The following TBC1D22A variants were observed in gnomAD, a reference collection of about 807,000 sequenced individuals.
The protein encoded by TBC1D22A is putative GTPase activator.
In TBC1D22A, 38 loss-of-function variants were observed where a neutral mutation model predicts 60.2. The ratio of observed to expected loss-of-function variants is 0.63; its 90% CI spans 0.49 to 0.83. The LOEUF (loss-of-function observed/expected upper bound fraction) is 0.83. Among genes scored for constraint, TBC1D22A ranks in the 40% least tolerant of loss-of-function variants. The probability of loss-of-function intolerance (pLI) is 0.00; values close to 1 mark genes in which losing one functional copy is unlikely to be tolerated. For missense variants in TBC1D22A, 628 were observed against 701.0 expected (o/e 0.90, Z 1.18); for synonymous variants, 302 against 281.7 (o/e 1.07, Z -0.72).
At chr22:46,837,067 G>C (rs540936041) in intron 4 of TBC1D22A, among the ~76,000 whole-genome samples, 1 of 151,692 alleles carries the variant, frequency 6.6e-6, no homozygotes, top group Non-Finnish European at 1.5e-5. Context: ...TGATGTTAAC[G>C]TGAACTATGA....
chr22:46,969,304 C>T (rs548105219), intron 8 of TBC1D22A, among the ~76,000 whole-genome samples: 13 of 152,238 alleles, frequency 8.5e-5, no homozygotes, highest in Admixed American at 2.6e-4. Flanking sequence ...GCAAATTTCC[C>T]GCCCCACTCC....
chr22:47,008,411 C>T (rs1019828284), intron 10 of TBC1D22A, among the ~76,000 whole-genome samples: 1 of 152,174 alleles, frequency 6.6e-6, no homozygotes, highest in African/African-American at 2.4e-5. Context: ...CCAACTCTCC[C>T]CAGGTGTAGA....
At chr22:46,787,549 G>C (rs536961361) in intron 1 of TBC1D22A, among the ~76,000 whole-genome samples, 4 of 152,150 alleles carry the variant, frequency 2.6e-5, no homozygotes, top group Non-Finnish European at 5.9e-5. Context: ...AACAAAACTG[G>C]AGCTGCGTGC....
At chr22:46,924,599 G>A (rs6009059) in intron 8 of TBC1D22A, among the ~76,000 whole-genome samples, 4,251 of 152,210 alleles carry the variant, frequency 0.028, 187 homozygotes, top group African/African-American at 0.098. Flanking sequence ...ACAAACATTA[G>A]CTGGGCATGG....
intron 1 of TBC1D22A, among the ~76,000 whole-genome samples, chr22:46,767,838 C>G (rs575791047): frequency 6.6e-6 from 1 of 152,034 alleles, no homozygotes; most frequent in Non-Finnish European, 1.5e-5. Flanking sequence ...AGGAGAGGAG[C>G]TGGGGCCAGG....
At chr22:47,146,961 A>C (rs2067306213) in intron 12 of TBC1D22A, among the ~76,000 whole-genome samples, 1 of 152,212 alleles carries the variant, frequency 6.6e-6, no homozygotes, top group Non-Finnish European at 1.5e-5. Flanking sequence ...ACCACAGCCC[A>C]CCGGCTGGCC....
At chr22:47,115,588 T>C (rs965626613) in intron 12 of TBC1D22A, among the ~76,000 whole-genome samples, 1 of 152,206 alleles carries the variant, frequency 6.6e-6, no homozygotes, top group African/African-American at 2.4e-5. Context: ...CCTTGCCCTC[T>C]GTGGGTCATT....
chr22:47,159,374 TAC>T (rs1161836650), intron 12 of TBC1D22A, among the ~76,000 whole-genome samples: 1 of 125,346 alleles, frequency 8.0e-6, no homozygotes, highest in African/African-American at 3.6e-5. Context: ...CACTCATGTA[TAC>T]ACACAGACAC....
intron 4 of TBC1D22A, among the ~76,000 whole-genome samples, chr22:46,851,997 A>G (rs1033423745): frequency 3.9e-5 from 6 of 152,222 alleles, no homozygotes; most frequent in Non-Finnish European, 7.3e-5. Context: ...TGAAGACAGG[A>G]GGCTTTTCCT....
At chr22:47,048,220 G>C (rs961173557) in intron 11 of TBC1D22A, among the ~76,000 whole-genome samples, 1 of 152,136 alleles carries the variant, frequency 6.6e-6, no homozygotes, top group Non-Finnish European at 1.5e-5. Context: ...TATGTGTGAG[G>C]TGTGGTTTTG....
At chr22:46,790,825 C>T (rs1369901563) in intron 1 of TBC1D22A, among the ~76,000 whole-genome samples, 1 of 152,136 alleles carries the variant, frequency 6.6e-6, no homozygotes, top group Non-Finnish European at 1.5e-5. Flanking sequence ...CTTTATGTCC[C>T]AAGCTTTCCA....
At chr22:47,053,466 G>T (rs545362751) in intron 11 of TBC1D22A, among the ~76,000 whole-genome samples, 1 of 152,190 alleles carries the variant, frequency 6.6e-6, no homozygotes, top group Non-Finnish European at 1.5e-5. Context: ...CTCGTCAGGC[G>T]CACTCAGAGG....
At chr22:46,874,356 C>G (rs113956215) in intron 4 of TBC1D22A, among the ~76,000 whole-genome samples, 37 of 152,174 alleles carry the variant, frequency 2.4e-4, no homozygotes, top group African/African-American at 8.2e-4. Flanking sequence ...TGAGGAATTG[C>G]TACACTGTCT....
intron 12 of TBC1D22A, among the ~76,000 whole-genome samples, chr22:47,137,591 G>T (rs2066922374): frequency 6.6e-6 from 1 of 152,216 alleles, no homozygotes; most frequent in Non-Finnish European, 1.5e-5. Flanking sequence ...CCCTGAAGCT[G>T]CCCCTGCCCC....
chr22:47,097,973 G>A (rs1016259046), intron 11 of TBC1D22A, among the ~76,000 whole-genome samples: 1 of 152,070 alleles, frequency 6.6e-6, no homozygotes, highest in Non-Finnish European at 1.5e-5. Flanking sequence ...GGAGTGGTGG[G>A]GGCCCCTGCT....
At chr22:46,896,846 G>T (rs555741355) in intron 7 of TBC1D22A, among the ~76,000 whole-genome samples, 2 of 152,218 alleles carry the variant, frequency 1.3e-5, no homozygotes, top group South Asian at 2.1e-4. Flanking sequence ...GTTTGCCAAG[G>T]TCTTTCACTT....
intron 11 of TBC1D22A, among the ~76,000 whole-genome samples, chr22:47,103,023 A>T (rs764608582): frequency 2.0e-5 from 3 of 152,142 alleles, no homozygotes. Flanking sequence ...AAGGAAAGAC[A>T]CACATTTCTT....
chr22:47,010,962 T>C (rs1284457668), intron 10 of TBC1D22A, among the ~76,000 whole-genome samples: 1 of 152,226 alleles, frequency 6.6e-6, no homozygotes, highest in Non-Finnish European at 1.5e-5. Context: ...ATGATGATAA[T>C]AGCAGCTAGC....
rs374581689 is a variant in TBC1D22A, at chr22:46,930,140, C to T, written c.1015+17952C>T. 2.0e-3 allele frequency among the ~76,000 whole-genome samples: 311 copies of T among 152,306 alleles called. 2 individuals are homozygous for T. The highest frequency in any genetic ancestry group is 7.2e-3 in the African/African-American group (299 of 41,566). ...TTGGCCTTGAGCCTGTCTTTGGGAC[C>T]TTGCTGTCCGTTTTCTTGATTCCTG... is the stretch of plus-strand genomic sequence containing the variant. On this transcript the variant is annotated intron_variant, in intron 8 of 12. Coordinates refer to ENST00000337137, the MANE Select transcript of TBC1D22A (RefSeq NM_014346.5).
Sources: allele counts gnomAD v4.1 joint callset (sites outside exome capture counted in the v4.1 genomes callset), GRCh38; gene constraint gnomAD v4.1.1; transcripts MANE v1.5; gene names NCBI Gene and HGNC (gene_info 2026-07-23, HGNC 2026-07-21).